The following SAMD12 variants were observed in gnomAD, a reference collection of about 807,000 sequenced individuals.
SAMD12 encodes sterile alpha motif domain containing 12, also known as sterile alpha motif domain-containing protein 12.
Under a neutral mutation model 15.0 loss-of-function variants are expected in SAMD12, and 9 were observed. The ratio of observed to expected loss-of-function variants is 0.60; its 90% CI spans 0.36 to 1.05. SAMD12 has a LOEUF of 1.05. SAMD12 is among the 50% of genes least tolerant of loss of function. The pLI, the probability that SAMD12 is intolerant of heterozygous loss-of-function variation, is 0.01. For missense variants in SAMD12, 230 were observed against 234.2 expected, an observed-to-expected ratio of 0.98 and a Z score of 0.12; for synonymous variants, 86 against 90.1, an observed-to-expected ratio of 0.96 and a Z score of 0.25.
At chr8:118,162,086 G>A in the SAMD12 span, among the ~76,000 whole-genome samples, 1 of 151,004 alleles carries the variant, frequency 6.6e-6, no homozygotes, top group Non-Finnish European at 1.5e-5. Flanking sequence ...CTTGTACCTG[G>A]AAGGCGGAGG....
At chr8:118,430,961 C>CT (rs1404950803) in intron 3 of SAMD12, among the ~76,000 whole-genome samples, 1 of 152,062 alleles carries the variant, frequency 6.6e-6, no homozygotes, top group Non-Finnish European at 1.5e-5. Context: ...TTGTTTCTCT[C>CT]TTTTTTCTTT....
chr8:118,206,793 T>G (rs144631693), intron 4 of SAMD12, among the ~76,000 whole-genome samples: 1 of 152,360 alleles, frequency 6.6e-6, no homozygotes, highest in Admixed American at 6.5e-5. Context: ...CCCTGTGACT[T>G]TGAATTCATA....
At chr8:118,548,293 A>G (rs367804761) in intron 2 of SAMD12, among the ~76,000 whole-genome samples, 245 of 152,248 alleles carry the variant, frequency 1.6e-3, no homozygotes, top group African/African-American at 5.8e-3. Context: ...AACAGGCTCC[A>G]GTGGGGTAAT....
intron 4 of SAMD12, among the ~76,000 whole-genome samples, chr8:118,367,874 A>G (rs1284409213): frequency 3.3e-5 from 5 of 152,208 alleles, no homozygotes; most frequent in Non-Finnish European, 7.3e-5. Context: ...ACCATGAACA[A>G]TGTAACAGAC....
At chr8:118,176,378 G>A in the SAMD12 span, among the ~76,000 whole-genome samples, 1 of 152,118 alleles carries the variant, frequency 6.6e-6, no homozygotes, top group Non-Finnish European at 1.5e-5. Context: ...GTTCATCACA[G>A]CACTATTCAC....
intron 4 of SAMD12, among the ~76,000 whole-genome samples, chr8:118,214,118 G>A (rs1048467684): frequency 1.3e-5 from 2 of 152,100 alleles, no homozygotes; most frequent in African/African-American, 4.8e-5. Flanking sequence ...ATATCATAGT[G>A]GAAACAAGCA....
intron 4 of SAMD12, among the ~76,000 whole-genome samples, chr8:118,300,186 G>A (rs1470434031): frequency 6.6e-6 from 1 of 152,032 alleles, no homozygotes; most frequent in East Asian, 1.9e-4. Context: ...TATCCTCCTT[G>A]TAGCTATTTG....
chr8:118,139,150 T>C, the SAMD12 span, among the ~76,000 whole-genome samples: 2 of 151,386 alleles, frequency 1.3e-5, no homozygotes, highest in Non-Finnish European at 2.9e-5. Flanking sequence ...CTAGTCTGCA[T>C]AGGAGGAGCA....
intron 4 of SAMD12, among the ~76,000 whole-genome samples, chr8:118,281,173 G>T (rs376339327): frequency 6.6e-6 from 1 of 152,212 alleles, no homozygotes; most frequent in Non-Finnish European, 1.5e-5. Context: ...GAATTGAAAG[G>T]ATCCTTAGAT....
intron 2 of SAMD12, among the ~76,000 whole-genome samples, chr8:118,561,798 C>T (rs1483450875): frequency 2.0e-5 from 3 of 152,048 alleles, no homozygotes; most frequent in African/African-American, 4.8e-5. Flanking sequence ...AAACTACCGT[C>T]GTCAATAAAA....
intron 3 of SAMD12, among the ~76,000 whole-genome samples, chr8:118,422,722 G>A (rs1224254393): frequency 2.0e-5 from 3 of 152,348 alleles, no homozygotes; most frequent in East Asian, 3.9e-4. Flanking sequence ...ATCATAGGAA[G>A]AAGAGAGACT....
At chr8:118,471,345 C>T (rs1249958199) in intron 2 of SAMD12, among the ~76,000 whole-genome samples, 1 of 152,116 alleles carries the variant, frequency 6.6e-6, no homozygotes, top group Non-Finnish European at 1.5e-5. Context: ...GGACTTTTAG[C>T]AGTCACCATT....
chr8:118,432,687 A>G (rs1822450998), intron 3 of SAMD12, among the ~76,000 whole-genome samples: 1 of 152,180 alleles, frequency 6.6e-6, no homozygotes, highest in African/African-American at 2.4e-5. Flanking sequence ...AGGAGGTGGT[A>G]TCTAAAACTC....
intron 4 of SAMD12, among the ~76,000 whole-genome samples, chr8:118,293,836 A>G (rs914281393): frequency 3.9e-5 from 6 of 152,176 alleles, no homozygotes; most frequent in African/African-American, 1.4e-4. Context: ...GATGGATAAG[A>G]TGTGGCAGGA....
chr8:118,617,823 G>A (rs2131327445), intron 1 of SAMD12, among the ~76,000 whole-genome samples: 1 of 152,194 alleles, frequency 6.6e-6, no homozygotes, highest in Middle Eastern at 3.4e-3. Flanking sequence ...ATACAAAGAT[G>A]AATACGACAC....
intron 2 of SAMD12, among the ~76,000 whole-genome samples, chr8:118,541,971 G>A (rs556916795): frequency 6.6e-6 from 1 of 152,294 alleles, no homozygotes; most frequent in East Asian, 1.9e-4. Context: ...ACAGATGCAA[G>A]CTATGGTGCC....
rs375179468 is a variant in SAMD12 at position 118,399,184 on chromosome 8, C to T, written c.323-19484G>A. 3.8e-4 allele frequency among the ~76,000 whole-genome samples: 54 copies of T among 141,470 alleles called. 1 individual carries two copies. The highest frequency in any genetic ancestry group is 1.1e-3 in the African/African-American group (42 of 37,476). The allele number at this position is 141,470 out of a possible 152,430, so 92.8% of individuals were successfully genotyped here. Reference sequence around the variant, plus strand: ...CAGGTGTGAGCCATCACACCAGGCCCGATAAATTTTTTTTTTCTTTTTTTT... The same window carrying T: ...CAGGTGTGAGCCATCACACCAGGCCTGATAAATTTTTTTTTTCTTTTTTTT... On this transcript the variant is annotated intron_variant, in intron 3 of 3. Coordinates refer to ENST00000314727, the MANE Select transcript of SAMD12 (RefSeq NM_207506.3).
chr8:118,185,269 C>T (rs1242032406), downstream of SAMD12, among the ~76,000 whole-genome samples: 1 of 151,946 alleles, frequency 6.6e-6, no homozygotes, highest in Non-Finnish European at 1.5e-5. Flanking sequence ...TTTTGGGGTT[C>T]AGGTGGTTTT....
At chr8:118,445,545 C>G (rs1409614450) in intron 2 of SAMD12, among the ~76,000 whole-genome samples, 1 of 152,092 alleles carries the variant, frequency 6.6e-6, no homozygotes, top group Non-Finnish European at 1.5e-5. Context: ...AAGAAGAATA[C>G]ATATCCCCTT....
Sources: allele counts gnomAD v4.1 joint callset (sites outside exome capture counted in the v4.1 genomes callset), GRCh38; gene constraint gnomAD v4.1.1; transcripts MANE v1.5; gene names NCBI Gene and HGNC (gene_info 2026-07-23, HGNC 2026-07-21).